Variants in STEAP1B observed in about 807,000 individuals in gnomAD.
STEAP1B encodes the protein STEAP family protein MGC87042.
A neutral mutation model predicts 27.9 loss-of-function variants in STEAP1B; 13 were observed. The observed-to-expected ratio is 0.47, with a 90% CI of 0.30 to 0.74. The LOEUF (loss-of-function observed/expected upper bound fraction) is 0.74, where lower values mean the gene tolerates loss of function less well. STEAP1B is among the 30% of genes least tolerant of loss of function. STEAP1B has a pLI of 0.06. For missense variants in STEAP1B, 250 were observed against 298.7 expected, an observed-to-expected ratio of 0.84 and a Z score of 1.20; for synonymous variants, 86 against 107.1, an observed-to-expected ratio of 0.80 and a Z score of 1.22.
At chr7:22,438,841 A>C in intron 4 of STEAP1B, 1 of 1,359,906 alleles carries the variant, frequency 7.4e-7, no homozygotes, top group Non-Finnish European at 9.6e-7. Context: ...ATAATGAGAA[A>C]ACTGAATACT....
intron 4 of STEAP1B, chr7:22,438,722 T>C (rs534219561): frequency 1.3e-6 from 2 of 1,551,662 alleles, no homozygotes; most frequent in Non-Finnish European, 1.7e-6. Context: ...GCCTGAAAGT[T>C]GCACAAAGCT....
intron 4 of STEAP1B, among the ~76,000 whole-genome samples, chr7:22,478,247 T>G (rs943194462): frequency 3.3e-5 from 5 of 152,170 alleles, no homozygotes; most frequent in Non-Finnish European, 7.3e-5. Context: ...AAGTCTGGGG[T>G]TTATCTTCGG....
intron 4 of STEAP1B, among the ~76,000 whole-genome samples, chr7:22,460,139 G>A (rs1401916750): frequency 6.6e-6 from 1 of 151,682 alleles, no homozygotes; most frequent in Non-Finnish European, 1.5e-5. Context: ...GTGAAACCCC[G>A]TCTCTACAAA....
chr7:22,432,057 G>C (rs181262755), intron 4 of STEAP1B, among the ~76,000 whole-genome samples: 1 of 152,188 alleles, frequency 6.6e-6, no homozygotes, highest in Non-Finnish European at 1.5e-5. Context: ...GAGATGATTA[G>C]ATCATGGGTA....
intron 4 of STEAP1B, chr7:22,438,274 A>G: frequency 1.9e-6 from 1 of 538,362 alleles, no homozygotes; most frequent in Non-Finnish European, 3.2e-6. Context: ...CTTCTCCTGA[A>G]ATACTTCCAG....
intron 1 of STEAP1B, among the ~76,000 whole-genome samples, chr7:22,498,405 G>C (rs1786478933): frequency 6.6e-6 from 1 of 152,154 alleles, no homozygotes; most frequent in Admixed American, 6.5e-5. Context: ...GGGGGAGGGA[G>C]GTGCTAGGAA....
Position 22,496,316 on chromosome 7 carries a change from TTAA to T in STEAP1B, c.-31-1433_-31-1431del, listed in dbSNP as rs200491431. On this transcript the variant is annotated intron_variant, in intron 1 of 4. Coordinates refer to ENST00000678116, the MANE Select transcript of STEAP1B (RefSeq NM_001382447.1). Reference sequence around the variant, plus strand: ...ATTACAAAAGAGTAAAAACAATAAGTTAATAAAGTAAAAGAGTTACAGTAAGCT... The same window carrying T: ...ATTACAAAAGAGTAAAAACAATAAGTTAAAGTAAAAGAGTTACAGTAAGCT... 8.8e-3 allele frequency among the ~76,000 whole-genome samples: 1,333 copies of T among 152,214 alleles called. 13 individuals are homozygous for T. The highest frequency in any genetic ancestry group is 0.041 in the Middle Eastern group (12 of 294).
intron 3 of STEAP1B, 131 bp downstream of exon 3, chr7:22,493,193 T>A (rs1294480354): frequency 8.5e-7 from 1 of 1,180,060 alleles, no homozygotes; most frequent in Admixed American, 3.1e-5. Flanking sequence ...ATAAGAAAAA[T>A]TTTAAAATAG....
At chr7:22,445,317 A>C (rs955898929) in intron 4 of STEAP1B, among the ~76,000 whole-genome samples, 1 of 152,222 alleles carries the variant, frequency 6.6e-6, no homozygotes, top group African/African-American at 2.4e-5. Flanking sequence ...TCCTCCTGTA[A>C]ACCGCATTGT....
chr7:22,499,961 A>T (rs1273922404), intron 1 of STEAP1B, among the ~76,000 whole-genome samples, 153 bp downstream of exon 1: 2 of 152,202 alleles, frequency 1.3e-5, no homozygotes, highest in Non-Finnish European at 2.9e-5. Flanking sequence ...AGAATTGAGC[A>T]CCGCTCGCCC....
intron 4 of STEAP1B, among the ~76,000 whole-genome samples, chr7:22,479,000 C>T (rs374618655): frequency 9.9e-5 from 15 of 152,252 alleles, no homozygotes; most frequent in African/African-American, 3.4e-4. Flanking sequence ...CTCAGAGAGG[C>T]AGGCCTGGGA....
intron 4 of STEAP1B, among the ~76,000 whole-genome samples, chr7:22,459,177 T>A (rs998568607): frequency 1.3e-5 from 2 of 152,218 alleles, no homozygotes; most frequent in Non-Finnish European, 2.9e-5. Context: ...GTGCAGAAAA[T>A]GTCACTCCTC....
chr7:22,482,114 A>G (rs1260264843), intron 4 of STEAP1B, among the ~76,000 whole-genome samples: 1 of 152,164 alleles, frequency 6.6e-6, no homozygotes, highest in East Asian at 1.9e-4. Context: ...AGGGTAGCTG[A>G]GTACAGGCAT....
chr7:22,470,800 G>A (rs190173830), intron 4 of STEAP1B, among the ~76,000 whole-genome samples: 54 of 152,224 alleles, frequency 3.5e-4, no homozygotes, highest in Non-Finnish European at 6.0e-4. Context: ...GTTAACATAA[G>A]CAGGAACTGG....
At chr7:22,458,893 G>A (rs1400450945) in intron 4 of STEAP1B, among the ~76,000 whole-genome samples, 1 of 146,382 alleles carries the variant, frequency 6.8e-6, no homozygotes, top group East Asian at 2.0e-4. Flanking sequence ...TTTTTTTTTT[G>A]AGACATCCTA....
intron 4 of STEAP1B, among the ~76,000 whole-genome samples, chr7:22,490,116 C>G (rs1186813057): frequency 6.6e-6 from 1 of 151,964 alleles, no homozygotes; most frequent in African/African-American, 2.4e-5. Flanking sequence ...TCCAAAAGAT[C>G]TTTTTCGATT....
intron 4 of STEAP1B, among the ~76,000 whole-genome samples, chr7:22,424,055 TG>T (rs1261215307): frequency 1.3e-5 from 2 of 151,998 alleles, no homozygotes; most frequent in East Asian, 3.9e-4. Flanking sequence ...ATAAAATAAG[TG>T]AATTTATGGT....
intron 4 of STEAP1B, among the ~76,000 whole-genome samples, chr7:22,470,332 T>C (rs1449570241): frequency 6.6e-6 from 1 of 152,168 alleles, no homozygotes; most frequent in Non-Finnish European, 1.5e-5. Flanking sequence ...AAATAAGTGA[T>C]TAGATTGTAA....
chr7:22,481,731 A>G (rs960664806), intron 4 of STEAP1B, among the ~76,000 whole-genome samples: 1 of 152,252 alleles, frequency 6.6e-6, no homozygotes. Context: ...ATTTCAGTGC[A>G]CTTAGAGGGC....
Sources: allele counts gnomAD v4.1 joint callset (sites outside exome capture counted in the v4.1 genomes callset), GRCh38; gene constraint gnomAD v4.1.1; transcripts MANE v1.5; gene names NCBI Gene and HGNC (gene_info 2026-07-23, HGNC 2026-07-21).